The following GAB1 variants were observed in gnomAD, a reference collection of about 807,000 sequenced individuals.
GAB1 encodes GRB2-associated-binding protein 1.
GAB1 carries 19 observed loss-of-function variants against 66.5 expected under a neutral mutation model. The observed-to-expected ratio is 0.29, with a 90% CI of 0.20 to 0.42. GAB1 has a LOEUF of 0.42. GAB1 is among the 10% of genes least tolerant of loss of function. The pLI is 1.00. For missense variants in GAB1, 732 were observed against 858.5 expected (o/e 0.85, Z 1.84); for synonymous variants, 294 against 301.4 (o/e 0.98, Z 0.25).
intron 8 of GAB1, chr4:143,465,884 A>T (rs1303171651): frequency 1.1e-5 from 4 of 378,908 alleles, no homozygotes; most frequent in Non-Finnish European, 1.9e-5. Context: ...CTTAGTGTGA[A>T]CCAAGTTTAA....
intron 2 of GAB1, among the ~76,000 whole-genome samples, chr4:143,421,968 A>G (rs887597883): frequency 2.6e-5 from 4 of 152,110 alleles, no homozygotes; most frequent in Admixed American, 6.5e-5. Flanking sequence ...AGATCATGCT[A>G]TGTTTAAGGG....
At position 143,438,031 on chromosome 4, in the gene GAB1, C is replaced by T. The variant is rs926826180; in HGVS notation, c.626C>T (p.Ser209Phe). The T allele has an allele frequency of 6.8e-6, 11 of 1,613,680 alleles. No individual in the cohort carries two copies. The highest frequency in any genetic ancestry group is 9.3e-6 in the Non-Finnish European group (11 of 1,179,804). ...GCTGATTCTGCAAAATCCACCTCTT[C>T]TGAAACAGACTGCAATGATAACGTC... is the stretch of plus-strand genomic sequence containing the variant. ...THADSAKSTSSETDCNDNVPS... is the reference protein window; with the variant it reads ...THADSAKSTSFETDCNDNVPS... Residue 209 changes from serine (S) to phenylalanine (F), a missense_variant, in exon 4 of 10, where the codon TCT becomes TTT. Coordinates refer to ENST00000262994, the MANE Select transcript of GAB1 (RefSeq NM_002039.4).
chr4:143,439,240 A>G (rs1408088578), intron 4 of GAB1, among the ~76,000 whole-genome samples: 1 of 152,190 alleles, frequency 6.6e-6, no homozygotes, highest in Non-Finnish European at 1.5e-5. Context: ...AGTCTGGGTG[A>G]TTCTCTGAGA....
intron 1 of GAB1, among the ~76,000 whole-genome samples, chr4:143,411,882 A>G (rs1394225022): frequency 6.6e-6 from 1 of 152,216 alleles, no homozygotes; most frequent in Non-Finnish European, 1.5e-5. Context: ...GCCAGATTCA[A>G]TGAGGGTGAC....
At chr4:143,387,291 C>T (rs918391705) in intron 1 of GAB1, among the ~76,000 whole-genome samples, 31 of 152,250 alleles carry the variant, frequency 2.0e-4, no homozygotes, top group African/African-American at 5.8e-4. Flanking sequence ...GCCACCACGC[C>T]CGGCTAATTT....
In GAB1 at chr4:143,472,829, C is replaced by A. The variant is rs2149806900; in HGVS notation, c.*3640C>A. On this transcript the variant is annotated 3_prime_UTR_variant, in exon 10 of 10. Coordinates refer to ENST00000262994, the MANE Select transcript of GAB1 (RefSeq NM_002039.4). Reference sequence around the variant, plus strand: ...GAAAGATACATGCATTCTATGGTAACAACTACTGTCAATAACATCTGATGT... The same window carrying A: ...GAAAGATACATGCATTCTATGGTAAAAACTACTGTCAATAACATCTGATGT... The A allele has an allele frequency of 6.6e-6, 1 of 152,196 alleles. No individual in the cohort carries two copies. Among genetic ancestry groups the A allele is most frequent in the South Asian group, 2.1e-4 (1 of 4,826 alleles). The allele number at this position is 152,196 out of a possible 1,614,324, so 9.4% of individuals were successfully genotyped here. A position where few individuals can be genotyped will look rare whatever the true frequency, so the allele number is the denominator to read the frequency against.
Position 143,438,541 on chromosome 4 carries a change from G to T in GAB1, c.1136G>T (p.Gly379Val). Residue 379 changes from glycine (G) to valine (V), a missense_variant, in exon 4 of 10, where the codon GGG (glycine) becomes GTG (valine). Gly to Val is a moderately radical substitution (Grantham distance 109). This residue lies in a region of GAB1 where 427 missense variants were observed against 420.6 expected (regional missense o/e 1.02). Coordinates refer to ENST00000262994, the MANE Select transcript of GAB1 (RefSeq NM_002039.4). ...TDSSYCIPTA[G>V]MSPSRSNTIS... ...AGTAGTTACTGTATCCCTACAGCAG[G>T]GATGTCGCCTTCACGTAGTAATACC... is the stretch of plus-strand genomic sequence containing the variant. 6.2e-7 allele frequency: 1 copy of T among 1,613,986 alleles called. No homozygotes were observed. The highest frequency in any genetic ancestry group is 1.1e-5 in the South Asian group (1 of 91,082).
chr4:143,449,584 T>G (rs1208361097), intron 6 of GAB1, among the ~76,000 whole-genome samples: 1 of 152,190 alleles, frequency 6.6e-6, no homozygotes, highest in African/African-American at 2.4e-5. Context: ...TGGTTTAAAG[T>G]CTGTTTTATC....
In GAB1 at chr4:143,438,421, A is replaced by AT; in HGVS notation, c.1017dup (p.Ile340TyrfsTer14). 1 of 1,613,986 alleles carries AT rather than the reference A, an allele frequency of 6.2e-7. No homozygotes were observed. The highest frequency in any genetic ancestry group is 8.5e-7 in the Non-Finnish European group (1 of 1,179,974). ...ACATCAAAGCTAGACACTATTCCAG[A>AT]TATTCCTCCACCTCGGCCACCGAAA... On this transcript the variant is annotated frameshift_variant, in exon 4 of 10. Coordinates refer to ENST00000262994, the MANE Select transcript of GAB1 (RefSeq NM_002039.4). LOFTEE classifies it high-confidence loss of function.
At chr4:143,435,122 C>T (rs759724381) in intron 3 of GAB1, among the ~76,000 whole-genome samples, 2 of 151,584 alleles carry the variant, frequency 1.3e-5, no homozygotes, top group Non-Finnish European at 2.9e-5. Context: ...TATTACTGGG[C>T]TAGGATCAGA....
At chr4:143,456,858 T>C (rs1001019107) in intron 6 of GAB1, among the ~76,000 whole-genome samples, 1 of 152,230 alleles carries the variant, frequency 6.6e-6, no homozygotes, top group African/African-American at 2.4e-5. Context: ...ATTGCAGCTC[T>C]GGCATCCAGG....
chr4:143,437,937 T>TTA, intron 3 of GAB1, 62 bp from the exon 4 acceptor site: 5 of 1,477,094 alleles, frequency 3.4e-6, no homozygotes, highest in Non-Finnish European at 4.6e-6. Context: ...ATAAACATGT[T>TTA]TATAAAAAAT....
Position 143,440,081 on chromosome 4 carries a change from A to G in GAB1, c.1284A>G (p.Lys428=), listed in dbSNP as rs1226342118. ...SSLEGFHNHF[K]VKNVLTVGSV... ...AAAGAAATATATATGTGTTTTAGAA[A>G]GTCAAAAATGTGTTGACAGTGGGAA... Residue 428 remains lysine, a splice_region_variant and synonymous_variant, in exon 6 of 10, where the codon AAA becomes AAG. Transcript: ENST00000262994. 2 of 1,611,512 alleles carry G rather than the reference A, an allele frequency of 1.2e-6. No individual in the cohort carries two copies. Among genetic ancestry groups the G allele is most frequent in the South Asian group, 1.1e-5 (1 of 90,812 alleles).
At chr4:143,447,861 G>A (rs1206478288) in intron 6 of GAB1, among the ~76,000 whole-genome samples, 2 of 152,064 alleles carry the variant, frequency 1.3e-5, no homozygotes, top group Non-Finnish European at 2.9e-5. Flanking sequence ...TCCCTGTCTT[G>A]TGCCAGTTTT....
In GAB1 at chr4:143,433,664, C is replaced by G; in HGVS notation, c.541C>G (p.Gln181Glu). The G allele has an allele frequency of 6.2e-7, 1 of 1,614,014 alleles. No individual in the cohort carries two copies. Among genetic ancestry groups the G allele is most frequent in the East Asian group, 2.2e-5 (1 of 44,878 alleles). Residue 181 changes from glutamine to glutamate, a missense_variant, in exon 3 of 10, where the codon CAA becomes GAA. Gln to Glu is a conservative substitution (Grantham distance 29, BLOSUM62 2). Around this residue, in one of 4 missense-constraint regions of GAB1, gnomAD observed 427 missense variants for 420.6 expected, o/e 1.02. Coordinates refer to ENST00000262994, the MANE Select transcript of GAB1 (RefSeq NM_002039.4). ...AACTCTTGGCATTCAGGAGGATCCT[C>G]AAGACTACCTGTTGCTCATCAACTG... is the stretch of plus-strand genomic sequence containing the variant. ...LETLGIQEDPQDYLLLINCQS... is the reference protein window; with the variant it reads ...LETLGIQEDPEDYLLLINCQS...
At position 143,438,452 on chromosome 4, in the gene GAB1, T is replaced by C. The variant is rs201285291; in HGVS notation, c.1047T>C (p.His349=). The change falls in exon 4 of 10, where the codon CAT becomes CAC. Residue 349 remains histidine, a synonymous_variant. Coordinates refer to ENST00000262994, the MANE Select transcript of GAB1 (RefSeq NM_002039.4). ...DIPPPRPPKP[H]PAHDRSPVET... ...CTCCACCTCGGCCACCGAAACCACA[T>C]CCAGCTCATGACCGATCTCCTGTGG... 2.8e-4 allele frequency: 455 copies of C among 1,613,900 alleles called. 1 individual carries two copies. In the Admixed American group the frequency reaches 6.6e-3, roughly 23 times the overall value.
chr4:143,462,533 C>T (rs1241377528), intron 8 of GAB1, among the ~76,000 whole-genome samples: 1 of 151,574 alleles, frequency 6.6e-6, no homozygotes, highest in East Asian at 1.9e-4. Flanking sequence ...AAAAGAAGAG[C>T]ATTACAATCA....
chr4:143,372,495 T>C (rs985340432), intron 1 of GAB1, among the ~76,000 whole-genome samples: 1 of 152,132 alleles, frequency 6.6e-6, no homozygotes, highest in Non-Finnish European at 1.5e-5. Flanking sequence ...ATATGGTCTC[T>C]GTAGGTGATA....
chr4:143,390,066 G>A (rs1046277472), intron 1 of GAB1, among the ~76,000 whole-genome samples: 3 of 152,170 alleles, frequency 2.0e-5, no homozygotes, highest in African/African-American at 7.2e-5. Context: ...CACAGCCAAA[G>A]TAAGTTCATT....
Sources: allele counts gnomAD v4.1 joint callset (sites outside exome capture counted in the v4.1 genomes callset), GRCh38; gene constraint gnomAD v4.1.1; regional missense constraint gnomAD v4.1.1; transcripts MANE v1.5; gene names NCBI Gene and HGNC (gene_info 2026-07-23, HGNC 2026-07-21).